UNC80: variants seen among roughly 807,000 people sequenced by gnomAD.
UNC80 encodes the protein unc-80 subunit of NALCN channel complex, also known as protein unc-80 homolog.
Under a neutral mutation model 384.6 loss-of-function variants are expected in UNC80, and 164 were observed. That is an observed-to-expected ratio of 0.43 (90% CI 0.38 to 0.49). The LOEUF (loss-of-function observed/expected upper bound fraction) is 0.49, where lower values mean the gene tolerates loss of function less well. UNC80 is among the 20% of genes least tolerant of loss of function. UNC80 has a pLI of 0.00. For missense variants in UNC80, 3,330 were observed against 4,143.0 expected (o/e 0.80, Z 5.39); for synonymous variants, 1,486 against 1,527.8 (o/e 0.97, Z 0.64).
At chr2:209,958,981 G>T in intron 49 of UNC80, 138 bp from the exon 50 acceptor site, 1 of 642,538 alleles carries the variant, frequency 1.6e-6, no homozygotes, top group South Asian at 2.1e-5. Context: ...TATGTTTTAG[G>T]AGTAATATAT....
intron 22 of UNC80, among the ~76,000 whole-genome samples, chr2:209,870,621 AT>A (rs2084213015): frequency 6.6e-6 from 1 of 152,108 alleles, no homozygotes; most frequent in Non-Finnish European, 1.5e-5. Context: ...ACATAGGTTA[AT>A]TTTTCATGTT....
Position 209,896,415 on chromosome 2 carries a change from T to C in UNC80, c.4581+2T>C. Reference sequence around the variant, plus strand: ...CACAGAAACATGTCGTGGCTTCATGTAAGTAGGAATCTCAGAAACAGCCCT... The same window carrying C: ...CACAGAAACATGTCGTGGCTTCATGCAAGTAGGAATCTCAGAAACAGCCCT... On this transcript the variant is annotated splice_donor_variant, in intron 28 of 64. Transcript: ENST00000673920. LOFTEE classifies it high-confidence loss of function. The C allele has an allele frequency of 6.4e-7, 1 of 1,550,846 alleles. No homozygotes were observed. Among genetic ancestry groups the C allele is most frequent in the Non-Finnish European group, 8.7e-7 (1 of 1,146,278 alleles).
intron 21 of UNC80, among the ~76,000 whole-genome samples, chr2:209,843,615 C>A (rs972625348): frequency 6.6e-6 from 1 of 151,980 alleles, no homozygotes; most frequent in Admixed American, 6.6e-5. Context: ...AAAAGAGAAT[C>A]AAAACTAAAT....
chr2:209,808,902 G>A (rs2079124376), intron 7 of UNC80: 1 of 280,590 alleles, frequency 3.6e-6, no homozygotes, highest in Non-Finnish European at 6.8e-6. Flanking sequence ...CCTTCCAGCA[G>A]CAGCCCTACC....
intron 7 of UNC80, among the ~76,000 whole-genome samples, chr2:209,802,826 G>C (rs1037598015): frequency 1.3e-5 from 2 of 152,122 alleles, no homozygotes; most frequent in African/African-American, 4.8e-5. Flanking sequence ...GCTTAACTGG[G>C]GAAATATCCA....
intron 47 of UNC80, among the ~76,000 whole-genome samples, chr2:209,949,725 G>T (rs1423885687): frequency 6.6e-6 from 1 of 152,008 alleles, no homozygotes; most frequent in African/African-American, 2.4e-5. Context: ...CGATCCACCC[G>T]CCTTGGCCTT....
chr2:209,862,501 G>A (rs1331889830), intron 22 of UNC80, among the ~76,000 whole-genome samples: 1 of 152,046 alleles, frequency 6.6e-6, no homozygotes, highest in Non-Finnish European at 1.5e-5. Flanking sequence ...GAATCTGAGT[G>A]CTCCTGTATT....
intron 22 of UNC80, among the ~76,000 whole-genome samples, chr2:209,866,533 C>CACATACACACAGAGAG: frequency 9.6e-6 from 1 of 104,138 alleles, no homozygotes; most frequent in South Asian, 3.2e-4. Flanking sequence ...CACACACACA[C>CACATACACACAGAGAG]AGAGAGAGAG....
At chr2:209,805,715 A>G (rs934383316) in intron 7 of UNC80, among the ~76,000 whole-genome samples, 4 of 152,248 alleles carry the variant, frequency 2.6e-5, no homozygotes, top group African/African-American at 7.2e-5. Flanking sequence ...CTAATCTTCT[A>G]TAACCTAATC....
intron 4 of UNC80, among the ~76,000 whole-genome samples, chr2:209,785,704 A>C (rs2077385826): frequency 6.6e-6 from 1 of 152,216 alleles, no homozygotes; most frequent in South Asian, 2.1e-4. Flanking sequence ...CTAAAAAATT[A>C]AGAGGAATGA....
rs2076593170 is a variant in UNC80 at position 209,771,894 on chromosome 2, G to C, written c.-179G>C. ...AGCCCTCCCCTCCTCCCGCAGCCAT[G>C]TTCCACGCGCGGGGAGGGGTGGGGG... On this transcript the variant is annotated 5_prime_UTR_variant, in exon 1 of 65. The change abolishes an upstream ATG in the 5' untranslated region. Transcript: ENST00000673920. 1 of 614,400 alleles carries C rather than the reference G, an allele frequency of 1.6e-6. No homozygotes were observed. The highest frequency in any genetic ancestry group is 3.0e-6 in the Non-Finnish European group (1 of 329,300). The allele number at this position is 614,400 out of a possible 1,614,324, so 38.1% of individuals were successfully genotyped here.
At chr2:209,806,241 G>A (rs1558438) in intron 7 of UNC80, among the ~76,000 whole-genome samples, 69,958 of 152,112 alleles carry the variant, frequency 0.46, 16,875 homozygotes, top group African/African-American at 0.6. Context: ...ATATAGACAT[G>A]TAGACAGTAA....
intron 18 of UNC80, among the ~76,000 whole-genome samples, chr2:209,838,258 AC>A: frequency 8.2e-6 from 1 of 122,584 alleles, no homozygotes; most frequent in African/African-American, 3.0e-5. Flanking sequence ...TCTCCTCCCC[AC>A]CCCCCACCCC....
intron 21 of UNC80, among the ~76,000 whole-genome samples, chr2:209,842,654 A>T (rs1326996643): frequency 6.6e-6 from 1 of 152,152 alleles, no homozygotes; most frequent in Non-Finnish European, 1.5e-5. Context: ...TCACTCCATG[A>T]TGGGCACTGG....
intron 20 of UNC80, among the ~76,000 whole-genome samples, chr2:209,841,544 G>C (rs1323275313): frequency 1.3e-5 from 2 of 152,012 alleles, no homozygotes; most frequent in African/African-American, 4.8e-5. Flanking sequence ...TAGAGACGGG[G>C]TTTCACCATG....
intron 7 of UNC80, among the ~76,000 whole-genome samples, chr2:209,799,541 T>A (rs1017100897): frequency 6.6e-6 from 1 of 152,192 alleles, no homozygotes; most frequent in Non-Finnish European, 1.5e-5. Context: ...AGTTCCTCTC[T>A]TCCTATTTTA....
At chr2:209,786,301 A>C in intron 5 of UNC80, 112 bp downstream of exon 5, 1 of 1,347,404 alleles carries the variant, frequency 7.4e-7, no homozygotes, top group Non-Finnish European at 9.9e-7. Flanking sequence ...AAATATCTAC[A>C]TGTAGTTATT....
At chr2:209,992,362 C>A in intron 62 of UNC80, 115 bp downstream of exon 62, 2 of 975,788 alleles carry the variant, frequency 2.0e-6, no homozygotes, top group Non-Finnish European at 3.1e-6. Context: ...GGAATCCCAG[C>A]TACTGGGGAG....
In UNC80 at chr2:209,787,617, G is replaced by A. The variant is rs115048931; in HGVS notation, c.724+1428G>A. Among the ~76,000 whole-genome samples, 1,195 of 152,228 alleles carry A rather than the reference G, an allele frequency of 7.9e-3. 7 individuals carry two copies. Among genetic ancestry groups the A allele is most frequent in the Non-Finnish European group, 0.013 (878 of 68,024 alleles). On this transcript the variant is annotated intron_variant, in intron 5 of 64. Transcript: ENST00000673920. ...AAAACTCCTGTCACCTAGTGGTCTC[G>A]TAGCCATGGTAACATAGTGCAAGGC...
Sources: allele counts gnomAD v4.1 joint callset (sites outside exome capture counted in the v4.1 genomes callset), GRCh38; gene constraint gnomAD v4.1.1; transcripts MANE v1.5; gene names NCBI Gene and HGNC (gene_info 2026-07-23, HGNC 2026-07-21).